The following ARNT variants were observed in gnomAD, a reference collection of about 807,000 sequenced individuals.
ARNT encodes class E basic helix-loop-helix protein 2.
ARNT carries 30 observed loss-of-function variants against 105.0 expected under a neutral mutation model. The ratio of observed to expected loss-of-function variants is 0.29; its 90% confidence interval spans 0.21 to 0.39. The LOEUF (loss-of-function observed/expected upper bound fraction) is 0.39, where lower values mean the gene tolerates loss of function less well. Ranked by LOEUF, ARNT falls within the 10% of genes least tolerant of loss-of-function variation. ARNT has a pLI of 1.00. For missense variants in ARNT, 748 were observed against 978.7 expected, an observed-to-expected ratio of 0.76 and a Z score of 3.15; for synonymous variants, 304 against 344.0, an observed-to-expected ratio of 0.88 and a Z score of 1.29.
At position 150,846,282 on chromosome 1, in the gene ARNT, C is replaced by T. The variant is rs1312509595; in HGVS notation, c.208G>A (p.Asp70Asn). The change falls in exon 4 of 22, where the codon GAT (aspartate) becomes AAT (asparagine). Residue 70 changes from aspartate to asparagine, a missense_variant. Asp to Asn is a conservative substitution (Grantham distance 23, BLOSUM62 1). Around this residue, in one of 4 missense-constraint regions of ARNT, gnomAD observed 93 missense variants for 101.6 expected, o/e 0.92. Transcript: ENST00000358595. ...LRCDDDQMSNDKERFARSDDE... is the reference protein window; with the variant it reads ...LRCDDDQMSNNKERFARSDDE... ...TATTACCTGGCAAACCGCTCCTTATCGTTAGACATCTGATCATCATCACAC... is the reference window on the plus strand; with the variant it reads ...TATTACCTGGCAAACCGCTCCTTATTGTTAGACATCTGATCATCATCACAC... The T allele has an allele frequency of 8.1e-6, 13 of 1,613,530 alleles. No individual in the cohort carries two copies. In the East Asian group the frequency reaches 1.1e-4, roughly 14 times the overall value.
At chr1:150,813,408 T>C in intron 20 of ARNT, 70 bp from the exon 21 acceptor site, 53 of 1,456,118 alleles carry the variant, frequency 3.6e-5, no homozygotes, top group Non-Finnish European at 4.8e-5. Flanking sequence ...ATGCCACAAG[T>C]AAACAACTAT....
chr1:150,817,876 C>T (rs748268727), intron 15 of ARNT, 44 bp downstream of exon 15: 1 of 1,490,488 alleles, frequency 6.7e-7, no homozygotes, highest in Non-Finnish European at 9.2e-7. Flanking sequence ...AATGACCACC[C>T]CCTGGGTGAC....
intron 1 of ARNT, among the ~76,000 whole-genome samples, chr1:150,866,139 C>T (rs145281849): frequency 1.4e-3 from 212 of 152,194 alleles, no homozygotes; most frequent in Non-Finnish European, 2.3e-3. Flanking sequence ...CACACCACCA[C>T]GTCCAACTAA....
intron 1 of ARNT, among the ~76,000 whole-genome samples, chr1:150,862,880 G>A (rs1180434361): frequency 2.6e-5 from 4 of 151,646 alleles, no homozygotes; most frequent in Admixed American, 2.0e-4. Flanking sequence ...GTGAAACTCC[G>A]TGTCTACTAA....
Position 150,814,243 on chromosome 1 carries a change from A to G in ARNT, c.1951-4T>C, listed in dbSNP as rs759522563. ...CAGTAGCCTGGGTAGCCACCTGCTA[A>G]AGAGAGATGGAGAGGGGATATAGAA... On this transcript the variant is annotated splice_region_variant and splice_polypyrimidine_tract_variant and intron_variant, in intron 19 of 21. Coordinates refer to ENST00000358595, the MANE Select transcript of ARNT (RefSeq NM_001668.4). 9 of 1,613,878 alleles carry G rather than the reference A, an allele frequency of 5.6e-6. No homozygotes were observed. The highest frequency in any genetic ancestry group is 7.6e-6 in the Non-Finnish European group (9 of 1,179,892).
chr1:150,816,847 T>C lies in ARNT; in HGVS notation c.1743A>G (p.Gln581=). Residue 581 remains glutamine (Q), a synonymous_variant, in exon 18 of 22, where the codon CAA becomes CAG. Coordinates refer to ENST00000358595, the MANE Select transcript of ARNT (RefSeq NM_001668.4). ...GISSSTVPAT[Q]QLFSQGNTFP... Reference sequence around the variant, plus strand: ...ATGTGTTGCCCTGGGAGAATAGCTGTTGGGTGGCAGGGACAGTGCTGGAGG... The same window carrying C: ...ATGTGTTGCCCTGGGAGAATAGCTGCTGGGTGGCAGGGACAGTGCTGGAGG... 1 of 1,590,454 alleles carries C rather than the reference T, an allele frequency of 6.3e-7. No individual in the cohort carries two copies. Among genetic ancestry groups the C allele is most frequent in the South Asian group, 1.1e-5 (1 of 87,534 alleles).
At chr1:150,826,024 G>A (rs587641918) in intron 13 of ARNT, among the ~76,000 whole-genome samples, 4 of 151,406 alleles carry the variant, frequency 2.6e-5, no homozygotes, top group East Asian at 2.0e-4. Context: ...AGTGATTCTC[G>A]TGCCTCAGCC....
intron 4 of ARNT, 64 bp from the exon 5 acceptor site, chr1:150,842,532 G>A (rs1227398073): frequency 2.8e-6 from 4 of 1,446,948 alleles, no homozygotes; most frequent in Non-Finnish European, 3.8e-6. Flanking sequence ...AAGGGGGGAG[G>A]GAGGAAGGGA....
chr1:150,865,800 T>C (rs1290834461), intron 1 of ARNT, among the ~76,000 whole-genome samples: 3 of 152,216 alleles, frequency 2.0e-5, no homozygotes, highest in African/African-American at 7.2e-5. Flanking sequence ...GTATCTCCAC[T>C]TTCTTGGTTT....
At chr1:150,824,986 C>G (rs897971886) in intron 13 of ARNT, among the ~76,000 whole-genome samples, 7 of 152,062 alleles carry the variant, frequency 4.6e-5, no homozygotes, top group Admixed American at 3.9e-4. Flanking sequence ...CTCAGCCTCC[C>G]AAGTAGCTGG....
At position 150,857,709 on chromosome 1, in the gene ARNT, A is replaced by C. The variant is rs587707304; in HGVS notation, c.137+640T>G. On this transcript the variant is annotated intron_variant, in intron 2 of 21. Coordinates refer to ENST00000358595, the MANE Select transcript of ARNT (RefSeq NM_001668.4). Reference sequence around the variant, plus strand: ...TTTCTCAGTCTTTACCAACAAATGCATATTTCCATACACAGAAAAACATAG... The same window carrying C: ...TTTCTCAGTCTTTACCAACAAATGCCTATTTCCATACACAGAAAAACATAG... Among the ~76,000 whole-genome samples, 4 of 152,356 alleles carry C rather than the reference A, an allele frequency of 2.6e-5. No homozygotes were observed. The East Asian group carries it at 5.8e-4, about 22-fold the overall frequency.
rs892006287 is a variant in ARNT, at chr1:150,818,616, T to C, written c.1395-586A>G. 2.0e-5 allele frequency among the ~76,000 whole-genome samples: 3 copies of C among 151,930 alleles called. No individual in the cohort carries two copies. In the South Asian group the frequency reaches 6.2e-4, roughly 32 times the overall value. On this transcript the variant is annotated intron_variant, in intron 14 of 21. Transcript: ENST00000358595. ...AAAATACAAAAATTAGCAGGCGTGG[T>C]GGCGGGCTCCTGTAGTCCCAGATAC...
At chr1:150,871,960 C>G (rs1468600611) in intron 1 of ARNT, among the ~76,000 whole-genome samples, 1 of 135,926 alleles carries the variant, frequency 7.4e-6, no homozygotes, top group Non-Finnish European at 1.6e-5. Context: ...AAAATACTAT[C>G]TCTTTTTTTG....
At chr1:150,869,191 T>C (rs11204735) in intron 1 of ARNT, among the ~76,000 whole-genome samples, 63,106 of 151,724 alleles carry the variant, frequency 0.42, 15,153 homozygotes, top group Non-Finnish European at 0.54. Flanking sequence ...AAATATAGAA[T>C]GTTAGGCTGG....
intron 21 of ARNT, chr1:150,812,467 A>G (rs930127872): frequency 2.9e-5 from 5 of 172,108 alleles, no homozygotes; most frequent in African/African-American, 1.2e-4. Flanking sequence ...TCTTTGCTTT[A>G]AACCAGCTCT....
At chr1:150,830,630 G>C (rs1266184389) in intron 10 of ARNT, among the ~76,000 whole-genome samples, 1 of 152,078 alleles carries the variant, frequency 6.6e-6, no homozygotes, top group Non-Finnish European at 1.5e-5. Context: ...CATGTTATAG[G>C]CAGAAAATTT....
intron 5 of ARNT, among the ~76,000 whole-genome samples, chr1:150,841,902 A>G (rs960582074): frequency 6.6e-5 from 10 of 152,324 alleles, no homozygotes; most frequent in African/African-American, 2.4e-4. Context: ...CTTTTCTAGA[A>G]AACTACCGCA....
In ARNT at chr1:150,869,638, C is replaced by G. The variant is rs1262265485; in HGVS notation, c.25+6905G>C. ...ATGGCTCACTGCAGCCCTGACCTAG[C>G]AAGCTCAGAGATCCTCCCACCACCT... is the stretch of plus-strand genomic sequence containing the variant. On this transcript the variant is annotated intron_variant, in intron 1 of 21. Transcript: ENST00000358595. 2.0e-5 allele frequency among the ~76,000 whole-genome samples: 3 copies of G among 150,926 alleles called. No homozygotes were observed. The Admixed American group carries it at 2.0e-4, about 10-fold the overall frequency.
chr1:150,871,420 C>G (rs1167071155), intron 1 of ARNT, among the ~76,000 whole-genome samples: 3 of 151,048 alleles, frequency 2.0e-5, no homozygotes, highest in Admixed American at 6.6e-5. Context: ...CCCGCCTCAG[C>G]CTCCCGAGTA....
Sources: gnomAD v4.1 joint callset for allele counts (sites outside exome capture counted in the v4.1 genomes callset) on GRCh38, gnomAD v4.1.1 for gene constraint, gnomAD v4.1.1 regional missense constraint, MANE v1.5 for transcripts, NCBI Gene and HGNC (gene_info 2026-07-23, HGNC 2026-07-21) for gene names.